The following CTNND2 variants were observed in gnomAD, a reference collection of about 807,000 sequenced individuals.
CTNND2 encodes catenin delta 2, also known as catenin delta-2.
In CTNND2, 22 loss-of-function variants were observed where a neutral mutation model predicts 144.4. That is an observed-to-expected ratio of 0.15 (90% CI 0.11 to 0.22). CTNND2 has a LOEUF of 0.22. Ranked by LOEUF, CTNND2 falls within the 10% of genes least tolerant of loss-of-function variation. The pLI, the probability that CTNND2 is intolerant of heterozygous loss-of-function variation, is 1.00. For missense variants in CTNND2, 1,353 were observed against 1,618.8 expected (o/e 0.84, Z 2.82); for synonymous variants, 751 against 695.6 (o/e 1.08, Z -1.25).
chr5:11,503,684 G>A (rs1419525658), intron 3 of CTNND2, among the ~76,000 whole-genome samples: 1 of 152,176 alleles, frequency 6.6e-6, no homozygotes, highest in Non-Finnish European at 1.5e-5. Context: ...TCAAACTCCA[G>A]AGTGATTTAA....
chr5:11,358,134 G>A (rs1756089394), intron 8 of CTNND2, among the ~76,000 whole-genome samples: 1 of 152,162 alleles, frequency 6.6e-6, no homozygotes, highest in African/African-American at 2.4e-5. Context: ...TAATTGGGGT[G>A]CATCATCCAG....
At chr5:11,876,477 A>G (rs998087317) in intron 1 of CTNND2, among the ~76,000 whole-genome samples, 1 of 152,224 alleles carries the variant, frequency 6.6e-6, no homozygotes, top group Admixed American at 6.5e-5. Flanking sequence ...ACATTTAATC[A>G]TAGGGTTAAA....
At chr5:11,486,035 A>C (rs1768786717) in intron 3 of CTNND2, among the ~76,000 whole-genome samples, 1 of 152,320 alleles carries the variant, frequency 6.6e-6, no homozygotes, top group East Asian at 1.9e-4. Context: ...ATAAAGAAGA[A>C]AAAAACACCC....
chr5:11,888,278 C>T (rs953896756), intron 1 of CTNND2, among the ~76,000 whole-genome samples: 6 of 152,152 alleles, frequency 3.9e-5, no homozygotes, highest in African/African-American at 1.2e-4. Context: ...TACAACCTTA[C>T]GACTAGGCTA....
At chr5:11,356,251 G>A (rs1755866680) in intron 8 of CTNND2, among the ~76,000 whole-genome samples, 1 of 152,062 alleles carries the variant, frequency 6.6e-6, no homozygotes, top group South Asian at 2.1e-4. Context: ...AAGCAATCTT[G>A]AGCAAACAGA....
chr5:11,135,710 G>A (rs1756067714), intron 12 of CTNND2, among the ~76,000 whole-genome samples: 3 of 152,214 alleles, frequency 2.0e-5, no homozygotes, highest in African/African-American at 7.2e-5. Flanking sequence ...AAGTCTCTGA[G>A]TAGTGGTTTC....
chr5:11,809,913 A>C (rs920015067), intron 1 of CTNND2, among the ~76,000 whole-genome samples: 1 of 152,196 alleles, frequency 6.6e-6, no homozygotes, highest in African/African-American at 2.4e-5. Flanking sequence ...GCAGAACTTA[A>C]GAAACAATCA....
intron 3 of CTNND2, among the ~76,000 whole-genome samples, chr5:11,434,198 G>A (rs539189012): frequency 3.9e-5 from 6 of 152,250 alleles, no homozygotes; most frequent in South Asian, 4.1e-4. Context: ...AAAGCTTCCC[G>A]CTCAGTGAAA....
chr5:11,425,395 T>C (rs1762694530), intron 3 of CTNND2, among the ~76,000 whole-genome samples: 1 of 152,178 alleles, frequency 6.6e-6, no homozygotes, highest in Admixed American at 6.5e-5. Context: ...TGAAAAAACA[T>C]TACACATGAA....
chr5:11,247,762 T>A (rs151125996), intron 9 of CTNND2, among the ~76,000 whole-genome samples: 99 of 152,310 alleles, frequency 6.5e-4, no homozygotes, highest in African/African-American at 2.2e-3. Flanking sequence ...CTATATAGAA[T>A]ATTTAGGTCC....
intron 1 of CTNND2, among the ~76,000 whole-genome samples, chr5:11,733,044 CT>C (rs911988022): frequency 6.6e-6 from 1 of 152,198 alleles, no homozygotes; most frequent in Non-Finnish European, 1.5e-5. Flanking sequence ...CTCTGCACCT[CT>C]TCCCCCATAA....
At chr5:11,332,472 T>C (rs1399008075) in intron 9 of CTNND2, among the ~76,000 whole-genome samples, 1 of 152,142 alleles carries the variant, frequency 6.6e-6, no homozygotes, top group Non-Finnish European at 1.5e-5. Flanking sequence ...CTTCTATTTA[T>C]GATGGTAAAA....
Position 11,259,598 on chromosome 5 carries a change from A to G in CTNND2, c.1629-22775T>C, listed in dbSNP as rs542624210. 3.0e-4 allele frequency among the ~76,000 whole-genome samples: 46 copies of G among 152,300 alleles called. 1 individual carries two copies. The highest frequency in any genetic ancestry group is 5.9e-4 in the Non-Finnish European group (40 of 68,024). ...AAGATTCACTGTTCTTTTAGACACT[A>G]CGGGTTGGGGTGGTTGGTTATGCAG... On this transcript the variant is annotated intron_variant, in intron 9 of 21. Coordinates refer to ENST00000304623, the MANE Select transcript of CTNND2 (RefSeq NM_001332.4).
At chr5:11,395,387 A>G (rs61749800) in intron 6 of CTNND2, among the ~76,000 whole-genome samples, 8 of 152,244 alleles carry the variant, frequency 5.3e-5, no homozygotes, top group Admixed American at 5.2e-4. Context: ...AGTGAATTAG[A>G]ACATTTCAAC....
chr5:11,730,684 C>T (rs1418515734), intron 2 of CTNND2, among the ~76,000 whole-genome samples: 1 of 152,176 alleles, frequency 6.6e-6, no homozygotes, highest in African/African-American at 2.4e-5. Flanking sequence ...ATTTTATATC[C>T]TAATTTGGGA....
At chr5:11,614,530 G>A (rs141819187) in intron 2 of CTNND2, among the ~76,000 whole-genome samples, 3 of 152,246 alleles carry the variant, frequency 2.0e-5, no homozygotes, top group East Asian at 3.9e-4. Flanking sequence ...TTAACTCTTG[G>A]GCGTTTAACA....
intron 1 of CTNND2, among the ~76,000 whole-genome samples, chr5:11,814,144 G>C (rs538935979): frequency 6.6e-6 from 1 of 152,228 alleles, no homozygotes; most frequent in East Asian, 1.9e-4. Flanking sequence ...AACAATAATG[G>C]AAGTCAAATA....
intron 2 of CTNND2, among the ~76,000 whole-genome samples, chr5:11,712,902 T>C (rs1211139963): frequency 1.3e-5 from 2 of 152,194 alleles, no homozygotes; most frequent in African/African-American, 4.8e-5. Flanking sequence ...GGGGATATGA[T>C]ACTGAACAGC....
chr5:11,779,601 G>A (rs1304259165), intron 1 of CTNND2, among the ~76,000 whole-genome samples: 1 of 152,180 alleles, frequency 6.6e-6, no homozygotes, highest in East Asian at 1.9e-4. Context: ...CACTTCGATG[G>A]AGATCAGCTG....
Sources: allele counts gnomAD v4.1 joint callset (sites outside exome capture counted in the v4.1 genomes callset), GRCh38; gene constraint gnomAD v4.1.1; transcripts MANE v1.5; gene names NCBI Gene and HGNC (gene_info 2026-07-23, HGNC 2026-07-21).